WDR72: variants seen among roughly 807,000 people sequenced by gnomAD.
WDR72 encodes the protein WD repeat-containing protein 72.
WDR72 carries 120 observed loss-of-function variants against 124.2 expected under a neutral mutation model. The ratio of observed to expected loss-of-function variants is 0.97; its 90% CI spans 0.83 to 1.12. The LOEUF is 1.12. WDR72 is among the 50% of genes most tolerant of loss of function. The probability of loss-of-function intolerance (pLI) is 0.00; values close to 1 mark genes in which losing one functional copy is unlikely to be tolerated. For missense variants in WDR72, 1,387 were observed against 1,278.8 expected, an observed-to-expected ratio of 1.08 and a Z score of -1.29; for synonymous variants, 452 against 441.7, an observed-to-expected ratio of 1.02 and a Z score of -0.29.
intron 18 of WDR72, among the ~76,000 whole-genome samples, chr15:53,575,006 A>AACACACACACACACACAC (rs3081214): frequency 3.4e-5 from 5 of 147,292 alleles, no homozygotes; most frequent in African/African-American, 1.3e-4. Context: ...AATCAAACAC[A>AACACACACACACACACAC]ACACACACAC....
chr15:53,655,755 C>G (rs1205179656), intron 14 of WDR72, among the ~76,000 whole-genome samples: 1 of 151,930 alleles, frequency 6.6e-6, no homozygotes, highest in South Asian at 2.1e-4. Context: ...GGCTGTGGCA[C>G]AAGCTTGGCT....
intron 18 of WDR72, among the ~76,000 whole-genome samples, chr15:53,548,559 G>A (rs1039008215): frequency 6.6e-6 from 1 of 151,956 alleles, no homozygotes. Context: ...AAGGCAATGG[G>A]AATTGGGGTG....
intron 13 of WDR72, among the ~76,000 whole-genome samples, chr15:53,671,996 C>A (rs72747356): frequency 6.9e-6 from 1 of 145,716 alleles, no homozygotes; most frequent in Admixed American, 7.0e-5. Context: ...AGGGAGAGAG[C>A]GAGAGAGAGA....
chr15:53,627,391 C>T (rs1305223056), intron 14 of WDR72, among the ~76,000 whole-genome samples: 1 of 152,088 alleles, frequency 6.6e-6, no homozygotes, highest in African/African-American at 2.4e-5. Context: ...AACATAAAGA[C>T]CTAGCCCCAT....
chr15:53,633,689 T>C (rs1232660719), intron 14 of WDR72, among the ~76,000 whole-genome samples: 5 of 152,198 alleles, frequency 3.3e-5, no homozygotes, highest in Admixed American at 2.6e-4. Context: ...AGCACAAGTC[T>C]ATCTATCAGA....
At chr15:53,605,718 G>A (rs1046956853) in intron 17 of WDR72, among the ~76,000 whole-genome samples, 2 of 152,126 alleles carry the variant, frequency 1.3e-5, no homozygotes, top group African/African-American at 4.8e-5. Flanking sequence ...AGCTGGGCAT[G>A]GTGGTTCATG....
At chr15:53,540,034 A>G (rs1892987869) in intron 18 of WDR72, among the ~76,000 whole-genome samples, 2 of 152,236 alleles carry the variant, frequency 1.3e-5, no homozygotes, top group Admixed American at 1.3e-4. Flanking sequence ...ATAAAGACAC[A>G]GAGAAGAGTA....
At chr15:53,593,690 A>T (rs560200118) in intron 18 of WDR72, among the ~76,000 whole-genome samples, 3 of 151,996 alleles carry the variant, frequency 2.0e-5, no homozygotes, top group East Asian at 3.9e-4. Context: ...TGAGCCAGGA[A>T]GACTGAGGCT....
chr15:53,559,745 A>G (rs142012693), intron 18 of WDR72, among the ~76,000 whole-genome samples: 1,573 of 152,034 alleles, frequency 0.01, 18 homozygotes, highest in Non-Finnish European at 0.013. Flanking sequence ...AGAAAGAAAA[A>G]TCATTAGGAG....
intron 6 of WDR72, among the ~76,000 whole-genome samples, chr15:53,713,600 T>A (rs1438991967): frequency 6.6e-6 from 1 of 151,322 alleles, no homozygotes; most frequent in African/African-American, 2.4e-5. Context: ...ACAGGTGCAC[T>A]CCACCACTCC....
chr15:53,665,667 T>C lies in WDR72; in HGVS notation c.1867A>G (p.Thr623Ala). 1 of 1,613,890 alleles carries C rather than the reference T, an allele frequency of 6.2e-7. No individual in the cohort carries two copies. Among genetic ancestry groups the C allele is most frequent in the East Asian group, 2.2e-5 (1 of 44,866 alleles). Residue 623 changes from threonine to alanine, a missense_variant, in exon 14 of 20, where the codon ACA becomes GCA. Transcript: ENST00000360509. ...VKSVLPIASE[T>A]LKHKSIEQRS... is the part of the protein sequence containing the mutation. The stretch of plus-strand genomic sequence containing the variant: ...TGTTCTATACTTTTGTGCTTAAGTG[T>C]CTCTGAGGCAATGGGAAGTACAGAC...
chr15:53,696,872 G>C (rs967452739), intron 13 of WDR72, among the ~76,000 whole-genome samples: 3 of 152,200 alleles, frequency 2.0e-5, no homozygotes, highest in African/African-American at 7.2e-5. Flanking sequence ...ATGTGATATA[G>C]AAAGTTGGGC....
At position 53,706,380 on chromosome 15, in the gene WDR72, A is replaced by G. The variant is rs1168722370; in HGVS notation, c.955-306T>C. ...TATATATATATATATATATATATAT[A>G]TATATATATATATATGGCTATGTGT... is the stretch of plus-strand genomic sequence containing the variant. On this transcript the variant is annotated intron_variant, in intron 9 of 19. Coordinates refer to ENST00000360509, the MANE Select transcript of WDR72 (RefSeq NM_182758.4). 6.6e-4 allele frequency among the ~76,000 whole-genome samples: 74 copies of G among 111,726 alleles called. 5 individuals carry two copies. The highest frequency in any genetic ancestry group is 1.9e-3 in the African/African-American group (40 of 21,342). 73.3% of individuals were successfully genotyped at this position (111,726 alleles called of 152,430 possible).
At chr15:53,600,964 T>A (rs548019269) in intron 17 of WDR72, among the ~76,000 whole-genome samples, 1 of 152,316 alleles carries the variant, frequency 6.6e-6, no homozygotes, top group East Asian at 1.9e-4. Flanking sequence ...CTAGACAAAC[T>A]TATTCATCAG....
chr15:53,745,789 C>G (rs566024899), intron 1 of WDR72, among the ~76,000 whole-genome samples: 3 of 152,058 alleles, frequency 2.0e-5, no homozygotes, highest in African/African-American at 7.2e-5. Context: ...CCGCTCTTTC[C>G]TTCTACAGAT....
chr15:53,703,102 C>CAGGGT (rs2017234912), intron 11 of WDR72, among the ~76,000 whole-genome samples: 1 of 151,934 alleles, frequency 6.6e-6, no homozygotes, highest in African/African-American at 2.4e-5. Flanking sequence ...TTTGCAGGGA[C>CAGGGT]AGGGTGTCAC....
In WDR72 at chr15:53,615,926, T is replaced by C. The variant is rs767938770; in HGVS notation, c.2280A>G (p.Ser760=). The change falls in exon 15 of 20, where the codon TCA becomes TCG. Residue 760 remains serine (S), a synonymous_variant. Coordinates refer to ENST00000360509, the MANE Select transcript of WDR72 (RefSeq NM_182758.4). ...LAQGDNTIKF[S]EENDGIKRQK... is the part of the protein sequence containing the mutation. ...GCCTTTTAATGCCATCATTTTCTTC[T>C]GAGAATTTGATGGTATTATCTCCTT... is the stretch of plus-strand genomic sequence containing the variant. The C allele has an allele frequency of 2.5e-6, 4 of 1,613,468 alleles. No individual in the cohort carries two copies. The Admixed American group carries it at 6.7e-5, about 27-fold the overall frequency.
upstream of WDR72, among the ~76,000 whole-genome samples, chr15:53,761,512 G>A (rs1184579714): frequency 6.6e-6 from 1 of 152,148 alleles, no homozygotes. Context: ...AGATCTTTTG[G>A]TAAGGGATGG....
In WDR72 at chr15:53,733,221, G is replaced by A. The variant is rs146719742; in HGVS notation, c.-12-60C>T. ...CATCTTTTTGAAATTTGAGGAAACC[G>A]ATAATATTACAAGCAGATTTATGAT... On this transcript the variant is annotated intron_variant, in intron 1 of 19. Transcript: ENST00000360509. 8.5e-4 allele frequency: 1,330 copies of A among 1,569,658 alleles called. 15 individuals carry two copies. The South Asian group carries it at 0.014, about 16-fold the overall frequency.
Sources: allele counts gnomAD v4.1 joint callset (sites outside exome capture counted in the v4.1 genomes callset), GRCh38; gene constraint gnomAD v4.1.1; transcripts MANE v1.5; gene names NCBI Gene and HGNC (gene_info 2026-07-23, HGNC 2026-07-21).